Variants in IL1RAPL1 observed in about 807,000 individuals in gnomAD.
IL1RAPL1 encodes interleukin 1 receptor accessory protein like 1, also known as interleukin-1 receptor accessory protein-like 1.
IL1RAPL1 carries 3 observed loss-of-function variants against 48.4 expected under a neutral mutation model. The observed-to-expected ratio is 0.06, with a 90% CI of 0.03 to 0.16. The LOEUF (loss-of-function observed/expected upper bound fraction) is 0.16, where lower values mean the gene tolerates loss of function less well. Among genes scored for constraint, IL1RAPL1 ranks in the 10% least tolerant of loss-of-function variants. The probability of loss-of-function intolerance (pLI) is 1.00; values close to 1 mark genes in which losing one functional copy is unlikely to be tolerated. For synonymous variants in IL1RAPL1, 185 were observed against 187.7 expected (o/e 0.99, Z 0.12); for missense variants, 349 against 530.6 (o/e 0.66, Z 3.36).
chrX:28,965,489 T>G (rs1924897329), intron 2 of IL1RAPL1, among the ~76,000 whole-genome samples: 1 of 111,880 alleles, frequency 8.9e-6, no homozygotes, highest in East Asian at 2.8e-4. Flanking sequence ...TTCAGTTCTT[T>G]TACCTAGTAG....
chrX:29,203,211 A>C (rs778196609), intron 2 of IL1RAPL1, among the ~76,000 whole-genome samples: 26 of 110,993 alleles, frequency 2.3e-4, no homozygotes, highest in Non-Finnish European at 4.3e-4. Flanking sequence ...CCCCATTTCA[A>C]AGTTAGGCTA....
chrX:28,610,558 C>T (rs1034040454), intron 1 of IL1RAPL1, among the ~76,000 whole-genome samples: 12 of 112,216 alleles, frequency 1.1e-4, no homozygotes, highest in East Asian at 2.8e-4. Flanking sequence ...GAAAGTATAT[C>T]GGTAGCAGTT....
chrX:29,120,396 A>G (rs778191864), intron 2 of IL1RAPL1, among the ~76,000 whole-genome samples: 3 of 111,740 alleles, frequency 2.7e-5, no homozygotes, highest in Non-Finnish European at 3.8e-5. Flanking sequence ...TTAAATAAGG[A>G]GTCCTTTCCC....
intron 3 of IL1RAPL1, among the ~76,000 whole-genome samples, chrX:29,333,764 C>G (rs2147637267): frequency 1.1e-5 from 1 of 88,828 alleles, no homozygotes; most frequent in African/African-American, 4.3e-5. Flanking sequence ...GGGCTGACCC[C>G]CCCCACCTCC....
chrX:29,609,935 A>AT (rs758207189), intron 5 of IL1RAPL1, among the ~76,000 whole-genome samples: 1,784 of 109,711 alleles, frequency 0.016, 37 homozygotes, highest in African/African-American at 0.054. Context: ...AAATCTTACC[A>AT]TTTTTTTTTA....
chrX:29,824,465 A>G (rs1351537650), intron 6 of IL1RAPL1, among the ~76,000 whole-genome samples: 1 of 111,248 alleles, frequency 9.0e-6, no homozygotes, highest in Non-Finnish European at 1.9e-5. Context: ...AATTTATAGT[A>G]TGTGCTGAGA....
chrX:29,034,814 A>T (rs1015927347), intron 2 of IL1RAPL1, among the ~76,000 whole-genome samples: 3 of 110,942 alleles, frequency 2.7e-5, no homozygotes, highest in Non-Finnish European at 3.8e-5. Flanking sequence ...TATGTATTTT[A>T]AAAATCCTAG....
At chrX:29,077,618 A>AAAAAAAAAAAAAAAAG (rs1555960262) in intron 2 of IL1RAPL1, among the ~76,000 whole-genome samples, 3 of 104,671 alleles carry the variant, frequency 2.9e-5, no homozygotes, top group African/African-American at 7.4e-5. Context: ...GAAAAAAAAA[A>AAAAAAAAAAAAAAAAG]AAAAGAAAAA....
chrX:28,830,017 A>G (rs956619597), intron 2 of IL1RAPL1, among the ~76,000 whole-genome samples: 1 of 111,200 alleles, frequency 9.0e-6, no homozygotes, highest in African/African-American at 3.3e-5. Flanking sequence ...TATGCTTTTT[A>G]TATACTGCTG....
intron 1 of IL1RAPL1, among the ~76,000 whole-genome samples, chrX:28,663,778 A>G (rs1172441961): frequency 3.6e-5 from 4 of 112,184 alleles, no homozygotes; most frequent in African/African-American, 9.7e-5. Flanking sequence ...GAAGCTACAC[A>G]ATAGATGAAC....
chrX:29,671,809 T>A, intron 6 of IL1RAPL1, among the ~76,000 whole-genome samples: 1 of 112,182 alleles, frequency 8.9e-6, no homozygotes, highest in Non-Finnish European at 1.9e-5. Context: ...GCATATTCTA[T>A]CGCTACCAGA....
chrX:29,597,149 ATTTTT>A (rs35180262), intron 5 of IL1RAPL1, among the ~76,000 whole-genome samples: 2 of 55,964 alleles, frequency 3.6e-5, no homozygotes, highest in Admixed American at 4.4e-4. Flanking sequence ...TTTGTTGAGG[ATTTTT>A]TTTTTTTTTT....
At chrX:29,395,740 C>T (rs1383539783) in intron 3 of IL1RAPL1, among the ~76,000 whole-genome samples, 2 of 111,827 alleles carry the variant, frequency 1.8e-5, no homozygotes, top group Admixed American at 9.5e-5. Flanking sequence ...AGTAACTACT[C>T]GTCTTAGCAA....
chrX:29,452,796 C>T (rs975474352), intron 5 of IL1RAPL1, among the ~76,000 whole-genome samples: 19 of 109,975 alleles, frequency 1.7e-4, no homozygotes, highest in African/African-American at 5.3e-4. Context: ...TCAAAAAGTA[C>T]GATTAAATTA....
chrX:29,460,387 G>A (rs967643998), intron 5 of IL1RAPL1, among the ~76,000 whole-genome samples: 2 of 111,878 alleles, frequency 1.8e-5, no homozygotes, highest in African/African-American at 6.5e-5. Context: ...GCATTGTGCC[G>A]ACCCATCATA....
chrX:28,594,455 A>G (rs997321959), intron 1 of IL1RAPL1, among the ~76,000 whole-genome samples: 25 of 112,322 alleles, frequency 2.2e-4, no homozygotes, highest in Admixed American at 7.6e-4. Flanking sequence ...GCCAAAGGTG[A>G]TCAAAATCTC....
intron 6 of IL1RAPL1, among the ~76,000 whole-genome samples, chrX:29,848,440 A>AG (rs1306984871): frequency 9.0e-6 from 1 of 110,555 alleles, no homozygotes; most frequent in African/African-American, 3.3e-5. Flanking sequence ...AATATAGCAA[A>AG]AAAAAAAAAA....
At chrX:29,625,926 A>G (rs1163865266) in intron 5 of IL1RAPL1, among the ~76,000 whole-genome samples, 1 of 111,672 alleles carries the variant, frequency 9.0e-6, no homozygotes, top group Non-Finnish European at 1.9e-5. Context: ...CTTTATTGCC[A>G]TATCCTAAAA....
chrX:29,308,946 C>T (rs756851940), intron 3 of IL1RAPL1, among the ~76,000 whole-genome samples: 4 of 111,955 alleles, frequency 3.6e-5, no homozygotes, highest in African/African-American at 9.7e-5. Context: ...CAGGAAGTCC[C>T]CCATTGAAAT....
Sources: gnomAD v4.1 joint callset for allele counts (sites outside exome capture counted in the v4.1 genomes callset) on GRCh38, gnomAD v4.1.1 for gene constraint, MANE v1.5 for transcripts, NCBI Gene and HGNC (gene_info 2026-07-23, HGNC 2026-07-21) for gene names.